Variants in KCNK9 observed in about 807,000 individuals in gnomAD.
KCNK9 encodes the protein potassium channel subfamily K member 9.
Under a neutral mutation model 10.8 loss-of-function variants are expected in KCNK9, and 1 was observed. The ratio of observed to expected loss-of-function variants is 0.09; its 90% CI spans 0.03 to 0.44. The LOEUF is 0.44. Among genes scored for constraint, KCNK9 ranks in the 20% least tolerant of loss-of-function variants. The pLI, the probability that KCNK9 is intolerant of heterozygous loss-of-function variation, is 0.97. For synonymous variants in KCNK9, 231 were observed against 222.7 expected (o/e 1.04, Z -0.33); for missense variants, 303 against 515.0 (o/e 0.59, Z 3.98).
intron 1 of KCNK9, among the ~76,000 whole-genome samples, chr8:139,661,852 G>A (rs1816158312): frequency 6.6e-6 from 1 of 152,240 alleles, no homozygotes. Context: ...GGGATGTGGT[G>A]AGGCCTAGCC....
chr8:139,680,223 G>A (rs1168949768), intron 1 of KCNK9, among the ~76,000 whole-genome samples: 2 of 152,222 alleles, frequency 1.3e-5, no homozygotes, highest in Non-Finnish European at 2.9e-5. Flanking sequence ...CAGGCACAGG[G>A]ACCACAAGTT....
chr8:139,653,936 C>T (rs1586667124), intron 1 of KCNK9, among the ~76,000 whole-genome samples: 1 of 152,162 alleles, frequency 6.6e-6, no homozygotes, highest in Non-Finnish European at 1.5e-5. Context: ...CAGAAGGGGC[C>T]GGAGCTAAGG....
At chr8:139,662,867 G>A (rs1375332651) in intron 1 of KCNK9, among the ~76,000 whole-genome samples, 4 of 111,482 alleles carry the variant, frequency 3.6e-5, no homozygotes, top group African/African-American at 1.5e-4. Flanking sequence ...GGGGAGGGGT[G>A]GGGGAAGGGG....
intron 1 of KCNK9, among the ~76,000 whole-genome samples, chr8:139,627,235 T>C (rs1815005898): frequency 6.6e-6 from 1 of 152,178 alleles, no homozygotes; most frequent in Non-Finnish European, 1.5e-5. Flanking sequence ...CAACTCATTC[T>C]CTCATGGATA....
intron 1 of KCNK9, among the ~76,000 whole-genome samples, chr8:139,682,269 C>T (rs1250623944): frequency 6.6e-6 from 1 of 152,216 alleles, no homozygotes; most frequent in Non-Finnish European, 1.5e-5. Context: ...GTTCATTCAA[C>T]AAACATTCTC....
chr8:139,633,840 G>C (rs1350636527), intron 1 of KCNK9, among the ~76,000 whole-genome samples: 1 of 152,204 alleles, frequency 6.6e-6, no homozygotes, highest in Non-Finnish European at 1.5e-5. Context: ...TGAAGACGAC[G>C]ACACACAAAG....
At chr8:139,654,547 C>A (rs751159239) in intron 1 of KCNK9, among the ~76,000 whole-genome samples, 55 of 152,254 alleles carry the variant, frequency 3.6e-4, no homozygotes, top group Non-Finnish European at 4.8e-4. Context: ...AAGCCCCCTG[C>A]CAGGCTCTTC....
chr8:139,602,138 T>C (rs1171735076), intron 2 of KCNK9: 1 of 152,240 alleles, frequency 6.6e-6, no homozygotes, highest in African/African-American at 2.4e-5. Context: ...TCTGTGCAGC[T>C]TCACCTGTGA....
intron 1 of KCNK9, among the ~76,000 whole-genome samples, chr8:139,632,352 G>A (rs1206275342): frequency 6.6e-6 from 1 of 152,224 alleles, no homozygotes; most frequent in Non-Finnish European, 1.5e-5. Context: ...ACTGATGACG[G>A]AGTCAGCCCA....
At chr8:139,651,733 G>A (rs974637097) in intron 1 of KCNK9, among the ~76,000 whole-genome samples, 2 of 152,174 alleles carry the variant, frequency 1.3e-5, no homozygotes, top group African/African-American at 4.8e-5. Flanking sequence ...AATATTTGTT[G>A]AAATTCTCAT....
intron 1 of KCNK9, among the ~76,000 whole-genome samples, chr8:139,667,411 C>T (rs1816328136): frequency 6.6e-6 from 1 of 152,060 alleles, no homozygotes. Flanking sequence ...AAAAACGGTC[C>T]CCACAGCCGG....
rs1348401073 is a variant in KCNK9 at position 139,624,641 on chromosome 8, C to A, written c.284-5542G>T. 3.3e-5 allele frequency among the ~76,000 whole-genome samples: 5 copies of A among 152,160 alleles called. No homozygotes were observed. The East Asian group carries it at 5.8e-4, about 18-fold the overall frequency. ...GGAAAACCCCCAGCTCAGCCCAGCC[C>A]CATGTCCCAGCACATGGAACCAACC... On this transcript the variant is annotated intron_variant, in intron 1 of 1. Transcript: ENST00000520439.
At position 139,674,759 on chromosome 8, in the gene KCNK9, C is replaced by T. The variant is rs747571806; in HGVS notation, c.283+27951G>A. Among the ~76,000 whole-genome samples the T allele has an allele frequency of 1.2e-4, 19 of 152,284 alleles. No homozygotes were observed. In the South Asian group the frequency reaches 2.3e-3, roughly 18 times the overall value. Reference sequence around the variant, plus strand: ...GGCTGTCAGTCACTAAAGCCAAGCACCCCAGTGACCCTGGGGCCTAGCAGC... The same window carrying T: ...GGCTGTCAGTCACTAAAGCCAAGCATCCCAGTGACCCTGGGGCCTAGCAGC... On this transcript the variant is annotated intron_variant, in intron 1 of 1. Transcript: ENST00000520439.
At chr8:139,681,517 TCTC>T (rs1816687176) in intron 1 of KCNK9, among the ~76,000 whole-genome samples, 1 of 152,070 alleles carries the variant, frequency 6.6e-6, no homozygotes, top group South Asian at 2.1e-4. Flanking sequence ...GGTCCACACA[TCTC>T]CTTACTTTGA....
In KCNK9 at chr8:139,631,108, C is replaced by T. The variant is rs1352734288; in HGVS notation, c.284-12009G>A. ...CCCCGGGTGCGGGGTCGGCCGCCCACGTTTTCCGGTGACTGCGTCCAGAAC... is the reference window on the plus strand; with the variant it reads ...CCCCGGGTGCGGGGTCGGCCGCCCATGTTTTCCGGTGACTGCGTCCAGAAC... On this transcript the variant is annotated intron_variant, in intron 1 of 1. Transcript: ENST00000520439. Among the ~76,000 whole-genome samples, 4 of 152,348 alleles carry T rather than the reference C, an allele frequency of 2.6e-5. 1 individual carries two copies. The East Asian group carries it at 7.7e-4, about 29-fold the overall frequency.
chr8:139,687,648 A>ATG (rs1816846185), intron 1 of KCNK9, among the ~76,000 whole-genome samples: 3 of 112,132 alleles, frequency 2.7e-5, no homozygotes, highest in African/African-American at 6.4e-5. Context: ...ATGTATACAT[A>ATG]TATATTCATA....
chr8:139,702,660 C>T lies in KCNK9; in HGVS notation c.283+50G>A, dbSNP rs1231333061. On this transcript the variant is annotated intron_variant, in intron 1 of 1. Transcript: ENST00000520439. This position sits in a 1 kb window ranked among gnomAD's most constrained non-coding sequence, Gnocchi z 7.5. ...CCGGCGCGGCGCGCTCAGCCGCCTC[C>T]CCGGACTCCTCCCGGGGCGCGGGAG... The T allele has an allele frequency of 6.4e-7, 1 of 1,552,564 alleles. No individual in the cohort carries two copies. The highest frequency in any genetic ancestry group is 8.7e-7 in the Non-Finnish European group (1 of 1,152,454).
chr8:139,648,797 A>C (rs1815767889), intron 1 of KCNK9, among the ~76,000 whole-genome samples: 1 of 152,180 alleles, frequency 6.6e-6, no homozygotes, highest in Admixed American at 6.5e-5. Flanking sequence ...ACCGGACGCC[A>C]ATGACACGTG....
intron 1 of KCNK9, among the ~76,000 whole-genome samples, chr8:139,622,946 A>C (rs939423276): frequency 2.0e-5 from 3 of 152,210 alleles, no homozygotes; most frequent in African/African-American, 7.2e-5. Context: ...ATACAGATAG[A>C]TTAGACCAAG....
Sources: allele counts gnomAD v4.1 joint callset (sites outside exome capture counted in the v4.1 genomes callset), GRCh38; gene constraint gnomAD v4.1.1; non-coding constraint Gnocchi (gnomAD v3.1); transcripts MANE v1.5; gene names NCBI Gene and HGNC (gene_info 2026-07-23, HGNC 2026-07-21).